Variants in ABTB2 observed in about 807,000 individuals in gnomAD.
ABTB2 encodes the protein ankyrin repeat and BTB domain containing 2, also known as ankyrin repeat and BTB/POZ domain-containing protein 2.
ABTB2 carries 56 observed loss-of-function variants against 104.1 expected under a neutral mutation model. The observed-to-expected ratio is 0.54, with a 90% CI of 0.43 to 0.67. ABTB2 has a LOEUF of 0.67. Among genes scored for constraint, ABTB2 ranks in the 30% least tolerant of loss-of-function variants. The probability of loss-of-function intolerance (pLI) is 0.00; values close to 1 mark genes in which losing one functional copy is unlikely to be tolerated. For missense variants in ABTB2, 1,279 were observed against 1,407.7 expected, an observed-to-expected ratio of 0.91 and a Z score of 1.46; for synonymous variants, 606 against 608.2, an observed-to-expected ratio of 1.00 and a Z score of 0.05.
intron 3 of ABTB2, among the ~76,000 whole-genome samples, chr11:34,188,336 C>T (rs1344859768): frequency 2.0e-5 from 3 of 152,110 alleles, no homozygotes; most frequent in South Asian, 2.1e-4. Flanking sequence ...CAGGGCAGAC[C>T]GAGGGCACTT....
intron 4 of ABTB2, among the ~76,000 whole-genome samples, chr11:34,172,441 GA>G (rs1565131703): frequency 2.2e-5 from 2 of 89,334 alleles, no homozygotes; most frequent in Non-Finnish European, 4.5e-5. Context: ...TGTGTATATA[GA>G]TAGATAGATA....
At chr11:34,209,352 CT>C (rs373093460) in intron 1 of ABTB2, among the ~76,000 whole-genome samples, 2,952 of 149,660 alleles carry the variant, frequency 0.02, 49 homozygotes, top group Non-Finnish European at 0.029. Context: ...CAAAAAAAAA[CT>C]TTTTTTTTCC....
At chr11:34,272,186 T>C (rs993003341) in intron 1 of ABTB2, among the ~76,000 whole-genome samples, 3 of 151,664 alleles carry the variant, frequency 2.0e-5, no homozygotes, top group African/African-American at 7.3e-5. Context: ...AAATAATAAA[T>C]GTTAAATGTT....
chr11:34,172,391 A>ATAT (rs1342794981), intron 4 of ABTB2, among the ~76,000 whole-genome samples: 1 of 26,766 alleles, frequency 3.7e-5, no homozygotes, highest in Non-Finnish European at 8.5e-5. Context: ...AAAAAAAAAA[A>ATAT]AAAAATATAT....
intron 3 of ABTB2, among the ~76,000 whole-genome samples, chr11:34,191,514 G>A (rs923699563): frequency 6.6e-6 from 1 of 152,178 alleles, no homozygotes; most frequent in Non-Finnish European, 1.5e-5. Flanking sequence ...AACAAGATTA[G>A]TATAACATCA....
intron 1 of ABTB2, among the ~76,000 whole-genome samples, chr11:34,215,443 T>C (rs191419309): frequency 1.3e-5 from 2 of 152,242 alleles, no homozygotes; most frequent in African/African-American, 4.8e-5. Context: ...AACATGAGTA[T>C]ATTCATCAGA....
chr11:34,188,924 G>A (rs1435074236), intron 3 of ABTB2, among the ~76,000 whole-genome samples: 2 of 152,132 alleles, frequency 1.3e-5, no homozygotes, highest in Non-Finnish European at 2.9e-5. Context: ...CTCGTATCAG[G>A]GCATTTCCCC....
chr11:34,274,158 C>CAAAAAAAA (rs763755237), intron 1 of ABTB2, among the ~76,000 whole-genome samples: 11 of 50,748 alleles, frequency 2.2e-4, no homozygotes, highest in African/African-American at 6.4e-4. Flanking sequence ...GACTCCGTCT[C>CAAAAAAAA]AAAAAAAAAA....
rs1855084507 is a variant in ABTB2, at chr11:34,327,483, TC to T, written c.883+29217del. ...GTGGCCTGGCTCTCACTCTCAGGCCTCAGGCACATTTGGTTATCTTCACTCA... is the reference window on the plus strand; with the variant it reads ...GTGGCCTGGCTCTCACTCTCAGGCCTAGGCACATTTGGTTATCTTCACTCA... On this transcript the variant is annotated intron_variant, in intron 1 of 16. Coordinates refer to ENST00000435224, the MANE Select transcript of ABTB2 (RefSeq NM_145804.3). Among the ~76,000 whole-genome samples, 5 of 152,260 alleles carry T rather than the reference TC, an allele frequency of 3.3e-5. No homozygotes were observed. In the South Asian group the frequency reaches 1.0e-3, roughly 32 times the overall value.
chr11:34,160,171 A>T, intron 12 of ABTB2, 77 bp downstream of exon 12: 2 of 1,404,054 alleles, frequency 1.4e-6, no homozygotes, highest in Non-Finnish European at 1.0e-6. Flanking sequence ...GAGAAAGATG[A>T]CAAAGTGGGG....
chr11:34,164,923 C>T (rs1852777580), intron 8 of ABTB2, 102 bp from the exon 9 acceptor site: 22 of 1,396,258 alleles, frequency 1.6e-5, no homozygotes, highest in Non-Finnish European at 2.1e-5. Context: ...GCTCTGAGTG[C>T]TGGAATAAGT....
At chr11:34,342,319 GC>G (rs1315237563) in intron 1 of ABTB2, among the ~76,000 whole-genome samples, 1 of 152,182 alleles carries the variant, frequency 6.6e-6, no homozygotes, top group Non-Finnish European at 1.5e-5. Flanking sequence ...CTATTTTCAG[GC>G]CCCCAGTGGC....
rs561598482 is a variant in ABTB2 at position 34,178,665 on chromosome 11, G to A, written c.1245-5358C>T. ...GGCCAGAGCCAGGAGACCGGGTCGG[G>A]GCTGAAAAAGCTCCCTTTGTTCAGC... On this transcript the variant is annotated intron_variant, in intron 3 of 16. Transcript: ENST00000435224. Among the ~76,000 whole-genome samples, 8 of 152,272 alleles carry A rather than the reference G, an allele frequency of 5.3e-5. No homozygotes were observed. The South Asian group carries it at 1.0e-3, about 20-fold the overall frequency.
intron 1 of ABTB2, among the ~76,000 whole-genome samples, chr11:34,286,299 T>G (rs1401612353): frequency 2.6e-5 from 4 of 152,036 alleles, no homozygotes; most frequent in African/African-American, 9.6e-5. Flanking sequence ...TTTATTATTT[T>G]TATTATTATT....
At position 34,154,591 on chromosome 11, in the gene ABTB2, CT is replaced by C; in HGVS notation, c.2766+109del. 1.7e-6 allele frequency: 2 copies of C among 1,158,268 alleles called. No individual in the cohort carries two copies. The highest frequency in any genetic ancestry group is 2.5e-6 in the Non-Finnish European group (2 of 789,494). The allele number at this position is 1,158,268 out of a possible 1,614,324, so 71.7% of individuals were successfully genotyped here. On this transcript the variant is annotated intron_variant, in intron 15 of 16. Transcript: ENST00000435224. This position sits in a 1 kb window ranked among gnomAD's most constrained non-coding sequence, Gnocchi z 4.9. ...ACAGTTCCTCTTTCTGGGAACTGCTCTTCCTGTCAGATGGAGAGGAAGAGCC... is the reference window on the plus strand; with the variant it reads ...ACAGTTCCTCTTTCTGGGAACTGCTCTCCTGTCAGATGGAGAGGAAGAGCC...
intron 1 of ABTB2, among the ~76,000 whole-genome samples, chr11:34,256,649 G>A (rs1052190665): frequency 6.6e-6 from 1 of 152,184 alleles, no homozygotes; most frequent in Non-Finnish European, 1.5e-5. Flanking sequence ...ACATTTGGGG[G>A]CTTGGTGGAG....
intron 1 of ABTB2, among the ~76,000 whole-genome samples, chr11:34,311,186 C>T (rs1001990406): frequency 3.3e-5 from 5 of 152,202 alleles, no homozygotes; most frequent in African/African-American, 1.2e-4. Flanking sequence ...TCATGCACAC[C>T]CTGGCTTGTC....
chr11:34,154,662 A>G lies in ABTB2; in HGVS notation c.2766+39T>C, dbSNP rs1367537470. 6.2e-7 allele frequency: 1 copy of G among 1,604,506 alleles called. No individual in the cohort carries two copies. Among genetic ancestry groups the G allele is most frequent in the Non-Finnish European group, 8.5e-7 (1 of 1,172,252 alleles). On this transcript the variant is annotated intron_variant, in intron 15 of 16. Transcript: ENST00000435224. This position sits in a 1 kb window ranked among gnomAD's most constrained non-coding sequence, Gnocchi z 4.9. ...TGAATGGGAGACCGAGCCGCTGGGCACCCTAGCCCAGGCCCCCTCCCCCTC... is the reference window on the plus strand; with the variant it reads ...TGAATGGGAGACCGAGCCGCTGGGCGCCCTAGCCCAGGCCCCCTCCCCCTC...
At chr11:34,249,352 G>C (rs12419001) in intron 1 of ABTB2, among the ~76,000 whole-genome samples, 9,569 of 152,254 alleles carry the variant, frequency 0.063, 376 homozygotes, top group Middle Eastern at 0.11. Flanking sequence ...AAGTTGGCAA[G>C]AAGTGGTGAA....
Sources: allele counts gnomAD v4.1 joint callset (sites outside exome capture counted in the v4.1 genomes callset), GRCh38; gene constraint gnomAD v4.1.1; non-coding constraint Gnocchi (gnomAD v3.1); transcripts MANE v1.5; gene names NCBI Gene and HGNC (gene_info 2026-07-23, HGNC 2026-07-21).